TRAK2: variants seen among roughly 807,000 people sequenced by gnomAD.
TRAK2 encodes the protein trafficking kinesin protein 2, also known as trafficking kinesin-binding protein 2.
A neutral mutation model predicts 104.6 loss-of-function variants in TRAK2; 81 were observed. That is an observed-to-expected ratio of 0.77 (90% CI 0.65 to 0.93). The LOEUF is 0.93. Ranked by LOEUF, TRAK2 falls within the 40% of genes least tolerant of loss-of-function variation. TRAK2 has a pLI of 0.00. For synonymous variants in TRAK2, 406 were observed against 394.4 expected (o/e 1.03, Z -0.35); for missense variants, 1,002 against 1,089.0 (o/e 0.92, Z 1.12).
intron 2 of TRAK2, among the ~76,000 whole-genome samples, chr2:201,418,074 A>C (rs1177671765): frequency 6.6e-6 from 1 of 152,264 alleles, no homozygotes; most frequent in Non-Finnish European, 1.5e-5. Flanking sequence ...ATATATATCA[A>C]GTTTATGGAT....
intron 2 of TRAK2, among the ~76,000 whole-genome samples, chr2:201,420,180 C>T (rs1421402525): frequency 6.6e-6 from 1 of 152,058 alleles, no homozygotes. Flanking sequence ...TACTACTCAC[C>T]GGGGGTTCAA....
At chr2:201,401,824 T>C (rs1951553342) in intron 3 of TRAK2, among the ~76,000 whole-genome samples, 2 of 152,070 alleles carry the variant, frequency 1.3e-5, no homozygotes, top group South Asian at 4.1e-4. Context: ...CTCCAATGAT[T>C]CCAGTCACAC....
intron 2 of TRAK2, chr2:201,411,801 G>T: frequency 1.2e-6 from 1 of 809,212 alleles, no homozygotes; most frequent in Non-Finnish European, 2.2e-6. Flanking sequence ...GCACACTAAT[G>T]AATTTACAGG....
chr2:201,392,208 G>T (rs1951454441), intron 10 of TRAK2, among the ~76,000 whole-genome samples: 1 of 151,594 alleles, frequency 6.6e-6, no homozygotes, highest in African/African-American at 2.4e-5. Context: ...CGATGTGAGG[G>T]ATATACAAAA....
chr2:201,409,315 GA>G (rs375749567), intron 2 of TRAK2, among the ~76,000 whole-genome samples: 66 of 149,830 alleles, frequency 4.4e-4, no homozygotes, highest in African/African-American at 1.5e-3. Context: ...TATTACATTT[GA>G]AAAAATACGG....
At chr2:201,418,196 G>T (rs78374785) in intron 2 of TRAK2, among the ~76,000 whole-genome samples, 9,925 of 152,142 alleles carry the variant, frequency 0.065, 404 homozygotes, top group African/African-American at 0.11. Flanking sequence ...ATTATTATTA[G>T]GGACAGGCTC....
chr2:201,400,035 C>G (rs1242945153), intron 4 of TRAK2, among the ~76,000 whole-genome samples: 1 of 151,888 alleles, frequency 6.6e-6, no homozygotes, highest in Admixed American at 6.6e-5. Context: ...TCAACTGGTT[C>G]AAGAATGATG....
intron 1 of TRAK2, among the ~76,000 whole-genome samples, chr2:201,436,994 A>T (rs1458364208): frequency 6.6e-6 from 1 of 152,158 alleles, no homozygotes; most frequent in African/African-American, 2.4e-5. Context: ...ACTAGGCGAG[A>T]GACTTTCTAA....
Position 201,399,371 on chromosome 2 carries a change from G to T in TRAK2, c.480+6C>A, listed in dbSNP as rs1470691237. ...TCATACTGCAGACATTTGATCAAAG[G>T]CTTACTTGATCAAAGGCTTGTCCCA... On this transcript the variant is annotated splice_donor_region_variant and intron_variant, in intron 5 of 15. Coordinates refer to ENST00000332624, the MANE Select transcript of TRAK2 (RefSeq NM_015049.3). 1.9e-6 allele frequency: 3 copies of T among 1,566,602 alleles called. No individual in the cohort carries two copies. Among genetic ancestry groups the T allele is most frequent in the Non-Finnish European group, 2.6e-6 (3 of 1,138,348 alleles).
intron 3 of TRAK2, 109 bp downstream of exon 3, chr2:201,407,294 G>C: frequency 5.7e-6 from 5 of 880,306 alleles, no homozygotes; most frequent in Non-Finnish European, 7.1e-6. Flanking sequence ...ATAAAAGTAG[G>C]TATACACTGA....
intron 1 of TRAK2, among the ~76,000 whole-genome samples, chr2:201,431,199 G>T (rs1232669318): frequency 1.3e-5 from 2 of 152,192 alleles, no homozygotes. Context: ...AGGAAGGTTT[G>T]CTAATAACAA....
chr2:201,409,279 CTTT>C (rs35095618), intron 2 of TRAK2, among the ~76,000 whole-genome samples: 2 of 143,454 alleles, frequency 1.4e-5, no homozygotes, highest in Admixed American at 7.0e-5. Flanking sequence ...TCAATGTCAG[CTTT>C]TTTTTTTTTT....
At chr2:201,384,269 T>C (rs1332088893) in intron 14 of TRAK2, 53 bp from the exon 15 acceptor site, 6 of 1,274,066 alleles carry the variant, frequency 4.7e-6, no homozygotes, top group Non-Finnish European at 6.8e-6. Context: ...AGATTAATAA[T>C]GTAAAAAGCT....
intron 13 of TRAK2, 83 bp from the exon 14 acceptor site, chr2:201,386,567 T>C: frequency 6.7e-7 from 1 of 1,486,480 alleles, no homozygotes; most frequent in Non-Finnish European, 9.2e-7. Flanking sequence ...ATTATATGTG[T>C]AATAACAATA....
At position 201,378,081 on chromosome 2, in the gene TRAK2, T is replaced by C. The variant is rs1951304826; in HGVS notation, c.*2462A>G. 6.6e-6 allele frequency: 1 copy of C among 152,126 alleles called. No homozygotes were observed. Among genetic ancestry groups the C allele is most frequent in the Non-Finnish European group, 1.5e-5 (1 of 68,022 alleles). 9.4% of individuals were successfully genotyped at this position (152,126 alleles called of 1,614,324 possible). On this transcript the variant is annotated 3_prime_UTR_variant, in exon 16 of 16. Transcript: ENST00000332624. ...GATTATCAGGATATACCAAAAATGA[T>C]TTTAGGTAGAAACTTCAAAAAACAG...
chr2:201,415,844 A>G (rs574235878), intron 2 of TRAK2, among the ~76,000 whole-genome samples: 1 of 152,298 alleles, frequency 6.6e-6, no homozygotes, highest in African/African-American at 2.4e-5. Flanking sequence ...CAGTAAGTCT[A>G]TAGTTCAAAG....
chr2:201,429,891 G>A (rs1053462835), intron 1 of TRAK2, among the ~76,000 whole-genome samples: 5 of 152,180 alleles, frequency 3.3e-5, no homozygotes, highest in East Asian at 1.9e-4. Flanking sequence ...TGTTGCTGGC[G>A]AGGAGATGCA....
At chr2:201,411,722 T>C in intron 2 of TRAK2, 2 of 781,226 alleles carry the variant, frequency 2.6e-6, no homozygotes, top group Non-Finnish European at 4.7e-6. Context: ...TGGATGGAAT[T>C]TGTTGTAAGA....
At chr2:201,389,559 GAA>G in intron 11 of TRAK2, 56 bp from the exon 12 acceptor site, 1 of 1,498,304 alleles carries the variant, frequency 6.7e-7, no homozygotes, top group Non-Finnish European at 9.1e-7. Context: ...AGCATCTAGA[GAA>G]GAGAATGTAT....
Sources: allele counts gnomAD v4.1 joint callset (sites outside exome capture counted in the v4.1 genomes callset), GRCh38; gene constraint gnomAD v4.1.1; transcripts MANE v1.5; gene names NCBI Gene and HGNC (gene_info 2026-07-23, HGNC 2026-07-21).